FOXO1: variants seen among roughly 807,000 people sequenced by gnomAD.
FOXO1 encodes forkhead box protein O1.
FOXO1 carries 6 observed loss-of-function variants against 44.1 expected under a neutral mutation model. That is an observed-to-expected ratio of 0.14 (90% CI 0.07 to 0.27). The LOEUF is 0.27. Among genes scored for constraint, FOXO1 ranks in the 10% least tolerant of loss-of-function variants. FOXO1 has a pLI of 1.00. For missense variants in FOXO1, 737 were observed against 888.8 expected (o/e 0.83, Z 2.17); for synonymous variants, 380 against 362.7 (o/e 1.05, Z -0.54).
rs1472646002 is a variant in FOXO1, at chr13:40,651,105, G to T, written c.630+14478C>A. On this transcript the variant is annotated intron_variant, in intron 1 of 2. Transcript: ENST00000379561. The stretch of plus-strand genomic sequence containing the variant: ...TTTGGTTTTTTGTTTTTTGTTTTTT[G>T]TTTTTGTTTTTTTTTAAGAAACATG... Among the ~76,000 whole-genome samples, 573 of 132,886 alleles carry T rather than the reference G, an allele frequency of 4.3e-3. 4 individuals carry two copies. The highest frequency in any genetic ancestry group is 0.012 in the African/African-American group (394 of 33,764). The allele number at this position is 132,886 out of a possible 152,430, so 87.2% of individuals were successfully genotyped here.
At chr13:40,664,090 T>C (rs779236146) in intron 1 of FOXO1, among the ~76,000 whole-genome samples, 6 of 152,106 alleles carry the variant, frequency 3.9e-5, no homozygotes, top group Non-Finnish European at 7.4e-5. Flanking sequence ...CTGGCCAACA[T>C]GGTGAAACCC....
rs117738102 is a variant in FOXO1 at position 40,566,370 on chromosome 13, T to C, written c.631-5510A>G. Among the ~76,000 whole-genome samples, 73 of 151,074 alleles carry C rather than the reference T, an allele frequency of 4.8e-4. 2 individuals carry two copies. In the East Asian group the frequency reaches 0.014, roughly 28 times the overall value. ...CAGGATGAAATCTTTACAACTTTCA[T>C]TGACTTTCATTTTTTTTTTTTTTTT... On this transcript the variant is annotated intron_variant, in intron 1 of 2. Coordinates refer to ENST00000379561, the MANE Select transcript of FOXO1 (RefSeq NM_002015.4).
chr13:40,655,636 TC>T (rs1159334101), intron 1 of FOXO1, among the ~76,000 whole-genome samples: 2 of 135,464 alleles, frequency 1.5e-5, no homozygotes, highest in East Asian at 2.6e-4. Flanking sequence ...TTTCTACACT[TC>T]TTTTTTTTTT....
At chr13:40,650,110 C>T (rs1308440358) in intron 1 of FOXO1, among the ~76,000 whole-genome samples, 1 of 151,790 alleles carries the variant, frequency 6.6e-6, no homozygotes, top group Admixed American at 6.6e-5. Context: ...TGATGATATG[C>T]TAAACGAGGG....
At chr13:40,579,552 G>A (rs1874883678) in intron 1 of FOXO1, among the ~76,000 whole-genome samples, 1 of 152,122 alleles carries the variant, frequency 6.6e-6, no homozygotes. Context: ...AGCAAAGAAG[G>A]GGGAAAGAAG....
chr13:40,612,248 TAGAG>T (rs771464044), intron 1 of FOXO1, among the ~76,000 whole-genome samples: 183 of 152,264 alleles, frequency 1.2e-3, no homozygotes, highest in Non-Finnish European at 2.1e-3. Context: ...TGTCATGCCA[TAGAG>T]ACCTTGGATC....
chr13:40,597,043 A>G (rs1205598211), intron 1 of FOXO1, among the ~76,000 whole-genome samples: 1 of 152,212 alleles, frequency 6.6e-6, no homozygotes, highest in African/African-American at 2.4e-5. Flanking sequence ...GCAGCAACTT[A>G]TCTCCCCAAG....
At chr13:40,624,253 G>C (rs1329827309) in intron 1 of FOXO1, among the ~76,000 whole-genome samples, 1 of 144,426 alleles carries the variant, frequency 6.9e-6, no homozygotes, top group African/African-American at 2.6e-5. Flanking sequence ...CTCATAGCCT[G>C]ATAGTACCAC....
chr13:40,592,674 C>CT (rs1369090570), intron 1 of FOXO1, among the ~76,000 whole-genome samples: 3 of 152,212 alleles, frequency 2.0e-5, no homozygotes, highest in African/African-American at 7.2e-5. Flanking sequence ...TTCTGCAATA[C>CT]TTAGCACAGT....
chr13:40,614,813 G>T (rs1018212852), intron 1 of FOXO1, among the ~76,000 whole-genome samples: 1 of 152,146 alleles, frequency 6.6e-6, no homozygotes, highest in Non-Finnish European at 1.5e-5. Flanking sequence ...TCCAGGGCCC[G>T]CTGGATTTAA....
intron 1 of FOXO1, among the ~76,000 whole-genome samples, chr13:40,569,536 T>C (rs925600586): frequency 6.6e-6 from 1 of 152,228 alleles, no homozygotes; most frequent in African/African-American, 2.4e-5. Context: ...ACTTCCTGTT[T>C]AAAGGCAGCC....
intron 1 of FOXO1, among the ~76,000 whole-genome samples, chr13:40,571,235 A>C (rs1445227957): frequency 2.8e-5 from 4 of 142,450 alleles, no homozygotes; most frequent in East Asian, 2.2e-4. Context: ...GGTGGGGGGA[A>C]GGGGGAGGGA....
intron 1 of FOXO1, among the ~76,000 whole-genome samples, chr13:40,613,407 TCA>T (rs778816922): frequency 2.0e-5 from 3 of 146,426 alleles, no homozygotes; most frequent in Non-Finnish European, 4.4e-5. Context: ...ATTTTTATTT[TCA>T]GTTTGGTGTT....
At chr13:40,609,791 G>A (rs1193297598) in intron 1 of FOXO1, among the ~76,000 whole-genome samples, 2 of 152,052 alleles carry the variant, frequency 1.3e-5, no homozygotes, top group Non-Finnish European at 2.9e-5. Flanking sequence ...ACCTTGGATA[G>A]GAAAAAACAC....
chr13:40,584,501 A>AAAAAAAAAAAAAAAAGC (rs1555248680), intron 1 of FOXO1, among the ~76,000 whole-genome samples: 5 of 117,194 alleles, frequency 4.3e-5, no homozygotes, highest in Non-Finnish European at 8.6e-5. Flanking sequence ...AAAAAAAAAA[A>AAAAAAAAAAAAAAAAGC]GCCAGATGCA....
At chr13:40,616,613 A>G (rs1284529890) in intron 1 of FOXO1, among the ~76,000 whole-genome samples, 2 of 152,252 alleles carry the variant, frequency 1.3e-5, no homozygotes, top group South Asian at 2.1e-4. Context: ...AAAGGCCATC[A>G]TGAGGGATTT....
intron 1 of FOXO1, among the ~76,000 whole-genome samples, chr13:40,651,371 C>CTAGGA (rs1010124759): frequency 7.2e-5 from 11 of 152,066 alleles, no homozygotes; most frequent in Non-Finnish European, 1.3e-4. Context: ...ATATAATTCC[C>CTAGGA]TAGGAGAACC....
rs559350211 is a variant in FOXO1, at chr13:40,666,565, G to C, written c.-353C>G. ...GCTTGCTCTCCCCAGCGGCGCGCCC[G>C]CTGCGCTGCTGCCTGTTGAATGTGG... On this transcript the variant is annotated 5_prime_UTR_variant, in exon 1 of 3. Transcript: ENST00000379561. The C allele has an allele frequency of 4.3e-6, 1 of 230,362 alleles. No individual in the cohort carries two copies. Among genetic ancestry groups the C allele is most frequent in the Non-Finnish European group, 8.5e-6 (1 of 117,334 alleles). The allele number at this position is 230,362 out of a possible 1,614,324, so 14.3% of individuals were successfully genotyped here.
chr13:40,613,449 G>A (rs1357634246), intron 1 of FOXO1, among the ~76,000 whole-genome samples: 1 of 151,996 alleles, frequency 6.6e-6, no homozygotes, highest in Non-Finnish European at 1.5e-5. Context: ...ACACAGAAAG[G>A]ACTTTAAGTC....
Sources: allele counts gnomAD v4.1 joint callset (sites outside exome capture counted in the v4.1 genomes callset), GRCh38; gene constraint gnomAD v4.1.1; transcripts MANE v1.5; gene names NCBI Gene and HGNC (gene_info 2026-07-23, HGNC 2026-07-21).